MEP1A: variants seen among roughly 807,000 people sequenced by gnomAD.
MEP1A encodes the protein N-benzoyl-L-tyrosyl-P-amino-benzoic acid hydrolase subunit alpha.
MEP1A carries 68 observed loss-of-function variants against 84.5 expected under a neutral mutation model. That is an observed-to-expected ratio of 0.80 (90% CI 0.66 to 0.98). MEP1A has a LOEUF of 0.98. Ranked by LOEUF, MEP1A falls within the 50% of genes least tolerant of loss-of-function variation. MEP1A has a pLI of 0.00. For synonymous variants in MEP1A, 337 were observed against 336.8 expected, an observed-to-expected ratio of 1.00 and a Z score of -0.01; for missense variants, 887 against 919.9, an observed-to-expected ratio of 0.96 and a Z score of 0.46.
intron 6 of MEP1A, among the ~76,000 whole-genome samples, chr6:46,818,693 C>T (rs1204298057): frequency 6.6e-6 from 1 of 152,192 alleles, no homozygotes; most frequent in African/African-American, 2.4e-5. Flanking sequence ...ATAAGTTAGG[C>T]AGCCTTCTCT....
chr6:46,801,796 T>A (rs1767201765), intron 5 of MEP1A, among the ~76,000 whole-genome samples: 1 of 152,058 alleles, frequency 6.6e-6, no homozygotes, highest in East Asian at 1.9e-4. Context: ...ATGAAGAGAT[T>A]GAGACTGATT....
chr6:46,797,808 T>TTC (rs756960050), intron 3 of MEP1A, among the ~76,000 whole-genome samples: 3,762 of 59,186 alleles, frequency 0.064, 65 homozygotes, highest in South Asian at 0.14. Context: ...CTTTCTTTCT[T>TTC]TCTTTCTTTC....
chr6:46,820,879 T>G (rs1001575310), intron 7 of MEP1A, among the ~76,000 whole-genome samples: 2 of 152,188 alleles, frequency 1.3e-5, no homozygotes, highest in African/African-American at 4.8e-5. Context: ...AAGAGATTAA[T>G]GAAACTTTAA....
At chr6:46,821,317 C>G (rs1767771131) in intron 7 of MEP1A, among the ~76,000 whole-genome samples, 1 of 152,142 alleles carries the variant, frequency 6.6e-6, no homozygotes, top group African/African-American at 2.4e-5. Flanking sequence ...ATACTCCGAC[C>G]ATCTTACCAC....
chr6:46,802,751 T>A (rs1767222633), intron 5 of MEP1A, among the ~76,000 whole-genome samples: 1 of 151,850 alleles, frequency 6.6e-6, no homozygotes, highest in Non-Finnish European at 1.5e-5. Flanking sequence ...GAATAGTTGT[T>A]ACAGTGTATC....
At chr6:46,797,796 TTCTTTC>T (rs1562102546) in intron 3 of MEP1A, among the ~76,000 whole-genome samples, 3 of 13,198 alleles carry the variant, frequency 2.3e-4, no homozygotes, top group Non-Finnish European at 4.3e-4. Flanking sequence ...TTCTTTCTCT[TTCTTTC>T]TTTCTTTCTT....
At chr6:46,803,276 TATTAA>T (rs1767235464) in intron 5 of MEP1A, among the ~76,000 whole-genome samples, 1 of 151,612 alleles carries the variant, frequency 6.6e-6, no homozygotes, top group Non-Finnish European at 1.5e-5. Context: ...ATGCTGCTTT[TATTAA>T]ATTGTATTTT....
chr6:46,807,570 AAGGAAGGAAGGAAGGAAGG>A (rs1767367656), intron 5 of MEP1A, among the ~76,000 whole-genome samples: 3 of 49,666 alleles, frequency 6.0e-5, no homozygotes, highest in African/African-American at 3.1e-4. Flanking sequence ...GAAAGAAAGG[AAGGAAGGAAGGAAGGAAGG>A]AAGGAAGGAA....
At chr6:46,838,248 A>G (rs1768260929) in intron 13 of MEP1A, among the ~76,000 whole-genome samples, 1 of 152,044 alleles carries the variant, frequency 6.6e-6, no homozygotes, top group South Asian at 2.1e-4. Flanking sequence ...TGCTGAGTAG[A>G]CCTTCTAGTA....
chr6:46,833,623 G>A (rs779235716), intron 11 of MEP1A, 85 bp downstream of exon 11: 204 of 981,084 alleles, frequency 2.1e-4, no homozygotes, highest in South Asian at 8.1e-4. Flanking sequence ...AAAGAGTAAC[G>A]TTCTCCTCAC....
Position 46,797,798 on chromosome 6 carries a change from CTTTCTTTCTT to C in MEP1A, c.146-806_146-797del, listed in dbSNP as rs1562102549. 6.4e-3 allele frequency among the ~76,000 whole-genome samples: 170 copies of C among 26,442 alleles called. 1 individual carries two copies. Among genetic ancestry groups the C allele is most frequent in the African/African-American group, 0.019 (158 of 8,512 alleles). 17.3% of individuals were successfully genotyped at this position (26,442 alleles called of 152,430 possible). The stretch of plus-strand genomic sequence containing the variant: ...TTTCTTTCTTTCTTTCTTTCTCTTT[CTTTCTTTCTT>C]TCTTTCTTTCTTTCTTTCTTTCTTT... On this transcript the variant is annotated intron_variant, in intron 3 of 13. Transcript: ENST00000230588.
Position 46,839,267 on chromosome 6 carries a change from T to G in MEP1A, c.*131T>G. The stretch of plus-strand genomic sequence containing the variant: ...CCAAGGACTAAGGCCTCCAGCCCCA[T>G]GTGTGACCCTTGTCATCTCTCTGCC... On this transcript the variant is annotated 3_prime_UTR_variant, in exon 14 of 14. Transcript: ENST00000230588. The G allele has an allele frequency of 3.1e-6, 2 of 644,168 alleles. No individual in the cohort carries two copies. Among genetic ancestry groups the G allele is most frequent in the Non-Finnish European group, 5.2e-6 (2 of 387,220 alleles). The allele number at this position is 644,168 out of a possible 1,614,324, so 39.9% of individuals were successfully genotyped here.
rs926587361 is a variant in MEP1A at position 46,839,056 on chromosome 6, A to G, written c.2161A>G (p.Met721Val). 10 of 1,613,696 alleles carry G rather than the reference A, an allele frequency of 6.2e-6. No individual in the cohort carries two copies. Among genetic ancestry groups the G allele is most frequent in the Non-Finnish European group, 7.6e-6 (9 of 1,179,818 alleles). The change falls in exon 14 of 14, where the codon ATG becomes GTG. Residue 721 changes from methionine (M) to valine (V), a missense_variant. Physicochemically the swap from Met to Val is conservative, Grantham distance 21 (BLOSUM62 1). Coordinates refer to ENST00000230588, the MANE Select transcript of MEP1A (RefSeq NM_005588.3). ...GCAGGTGCACGGCAGTGTCCTGGGC[A>G]TGGTGATCGGAGGCACGGCTGGCGT... ...AVQVHGSVLG[M>V]VIGGTAGVIF...
At chr6:46,812,683 C>CA (rs1270460825) in intron 6 of MEP1A, among the ~76,000 whole-genome samples, 1 of 151,846 alleles carries the variant, frequency 6.6e-6, no homozygotes, top group Non-Finnish European at 1.5e-5. Context: ...TCATTCAGTC[C>CA]AAAATTTTTT....
At chr6:46,797,579 G>A (rs867068966) in intron 3 of MEP1A, among the ~76,000 whole-genome samples, 6 of 152,120 alleles carry the variant, frequency 3.9e-5, no homozygotes, top group South Asian at 2.1e-4. Context: ...GGGTATCATC[G>A]TTTTTTCATG....
chr6:46,807,508 G>GAAATAAATAAAT (rs1238971243), intron 5 of MEP1A, among the ~76,000 whole-genome samples: 14 of 98,918 alleles, frequency 1.4e-4, no homozygotes, highest in African/African-American at 4.2e-4. Flanking sequence ...ACCCCCATCT[G>GAAATAAATAAAT]AAATAAAGAA....
chr6:46,830,357 C>T (rs1768052276), intron 10 of MEP1A, among the ~76,000 whole-genome samples: 1 of 151,048 alleles, frequency 6.6e-6, no homozygotes, highest in Admixed American at 6.6e-5. Context: ...AACTTGAAGC[C>T]TACTTGTGAA....
At chr6:46,824,794 AAT>A (rs376236802) in intron 7 of MEP1A, among the ~76,000 whole-genome samples, 1 of 84,858 alleles carries the variant, frequency 1.2e-5, no homozygotes, top group South Asian at 4.4e-4. Context: ...GATGTATTTA[AAT>A]ATATATAAAT....
intron 7 of MEP1A, among the ~76,000 whole-genome samples, chr6:46,821,990 C>T (rs114069921): frequency 0.021 from 3,228 of 152,274 alleles, 54 homozygotes; most frequent in Middle Eastern, 0.092. Context: ...TTCTGTTTAA[C>T]TTAAGAAGAC....
Sources: allele counts gnomAD v4.1 joint callset (sites outside exome capture counted in the v4.1 genomes callset), GRCh38; gene constraint gnomAD v4.1.1; transcripts MANE v1.5; gene names NCBI Gene and HGNC (gene_info 2026-07-23, HGNC 2026-07-21).